Variants in IL6R observed in about 807,000 individuals in gnomAD.
The protein encoded by IL6R is interleukin 6 receptor.
Under a neutral mutation model 48.3 loss-of-function variants are expected in IL6R, and 38 were observed. The ratio of observed to expected loss-of-function variants is 0.79; its 90% CI spans 0.61 to 1.03. IL6R has a LOEUF of 1.03. Ranked by LOEUF, IL6R falls within the 50% of genes least tolerant of loss-of-function variation. The pLI is 0.00. For synonymous variants in IL6R, 264 were observed against 256.2 expected, an observed-to-expected ratio of 1.03 and a Z score of -0.29; for missense variants, 534 against 618.3, an observed-to-expected ratio of 0.86 and a Z score of 1.45.
At chr1:154,452,082 A>T (rs1211068651) in intron 8 of IL6R, among the ~76,000 whole-genome samples, 1 of 152,152 alleles carries the variant, frequency 6.6e-6, no homozygotes, top group Non-Finnish European at 1.5e-5. Flanking sequence ...GCCAACACCC[A>T]GTCCAGCCCC....
chr1:154,455,785 T>G (rs1284292791), intron 9 of IL6R, among the ~76,000 whole-genome samples: 1 of 147,150 alleles, frequency 6.8e-6, no homozygotes, highest in African/African-American at 2.5e-5. Context: ...GGCCAGGCGC[T>G]GTGGCTCACG....
intron 6 of IL6R, among the ~76,000 whole-genome samples, chr1:154,442,215 C>T (rs61812596): frequency 0.13 from 19,552 of 151,970 alleles, 1,441 homozygotes; most frequent in South Asian, 0.18. Flanking sequence ...ATGTCTAATA[C>T]GTAATAGATG....
Position 154,465,455 on chromosome 1 carries a change from A to C in IL6R, c.*75A>C. 6.5e-6 allele frequency: 10 copies of C among 1,539,610 alleles called. No individual in the cohort carries two copies. The highest frequency in any genetic ancestry group is 1.1e-5 in the South Asian group (1 of 88,130). ...ACGGGCTCAGCAAAAGATGCTTCTCACTGCCATGCCAGCTTATCTCAGGGG... is the reference window on the plus strand; with the variant it reads ...ACGGGCTCAGCAAAAGATGCTTCTCCCTGCCATGCCAGCTTATCTCAGGGG... On this transcript the variant is annotated 3_prime_UTR_variant, in exon 10 of 10. Transcript: ENST00000368485.
rs201893129 is a variant in IL6R, at chr1:154,447,438, C to CAAAAAA, written c.950-675_950-670dup. Among the ~76,000 whole-genome samples the CAAAAAA allele has an allele frequency of 2.8e-3, 106 of 38,338 alleles. 4 individuals carry two copies. The highest frequency in any genetic ancestry group is 4.4e-3 in the Non-Finnish European group (79 of 17,996). 25.2% of individuals were successfully genotyped at this position (38,338 alleles called of 152,430 possible). ...TGGGCAAAAGAGTGAAACTCCATCT[C>CAAAAAA]AAAAAAAAAAAAAAAAATATATATA... On this transcript the variant is annotated intron_variant, in intron 6 of 9. Transcript: ENST00000368485.
At chr1:154,430,830 T>G (rs1689257239) in intron 3 of IL6R, among the ~76,000 whole-genome samples, 1 of 152,202 alleles carries the variant, frequency 6.6e-6, no homozygotes, top group Non-Finnish European at 1.5e-5. Flanking sequence ...TGACCTTGGT[T>G]ATCACAACAG....
At chr1:154,406,627 G>C (rs1687733758) in intron 1 of IL6R, 1 of 152,252 alleles carries the variant, frequency 6.6e-6, no homozygotes, top group African/African-American at 2.4e-5. Flanking sequence ...CAGGCTTCTG[G>C]AACAGCTGAC....
intron 9 of IL6R, among the ~76,000 whole-genome samples, chr1:154,460,531 C>T (rs545799411): frequency 2.6e-5 from 4 of 152,160 alleles, no homozygotes; most frequent in East Asian, 1.9e-4. Context: ...GTGATTATTA[C>T]TGGTGATTTG....
At chr1:154,414,173 A>G (rs1688199636) in intron 1 of IL6R, among the ~76,000 whole-genome samples, 1 of 151,884 alleles carries the variant, frequency 6.6e-6, no homozygotes, top group Non-Finnish European at 1.5e-5. Context: ...TTTTTTTTCC[A>G]ACTAGTTGAA....
In IL6R at chr1:154,452,824, AT is replaced by A. The variant is rs568866796; in HGVS notation, c.1067-1662del. 3.9e-3 allele frequency among the ~76,000 whole-genome samples: 590 copies of A among 151,244 alleles called. 9 individuals are homozygous for A. Among genetic ancestry groups the A allele is most frequent in the East Asian group, 7.3e-3 (37 of 5,048 alleles). ...AGACTCCGTCTCAAAAAAAAAAAAA[AT>A]TCATTTGTCTGTCTCCCTTGATTGG... is the stretch of plus-strand genomic sequence containing the variant. On this transcript the variant is annotated intron_variant, in intron 8 of 9. Transcript: ENST00000368485.
intron 6 of IL6R, among the ~76,000 whole-genome samples, chr1:154,447,476 T>TACACACACACACAC (rs1230551409): frequency 5.8e-5 from 4 of 68,824 alleles, no homozygotes; most frequent in African/African-American, 2.2e-4. Context: ...TATATATATA[T>TACACACACACACAC]ACACACACAC....
chr1:154,425,544 G>A (rs750374335), intron 1 of IL6R, among the ~76,000 whole-genome samples: 1 of 152,132 alleles, frequency 6.6e-6, no homozygotes, highest in East Asian at 1.9e-4. Context: ...GGAGGCCCAG[G>A]TAGGAGGATT....
rs752994852 is a variant in IL6R, at chr1:154,465,312, C to T, written c.1339C>T (p.Arg447Ter). Reference protein sequence around the residue: ...LGSDNTSSHNRPDARDPRSPY... With the variant: ...LGSDNTSSHN Reference sequence around the variant, plus strand: ...GTCTGACAATACCTCGAGCCACAACCGACCAGATGCCAGGGACCCACGGAG... The same window carrying T: ...GTCTGACAATACCTCGAGCCACAACTGACCAGATGCCAGGGACCCACGGAG... The change falls in exon 10 of 10, where the codon CGA becomes TGA. Residue 447 changes from arginine (R) to a stop codon, truncating the protein, a stop_gained. Coordinates refer to ENST00000368485, the MANE Select transcript of IL6R (RefSeq NM_000565.4). LOFTEE classifies it high-confidence loss of function. The T allele has an allele frequency of 9.3e-6, 15 of 1,614,184 alleles. No homozygotes were observed. The highest frequency in any genetic ancestry group is 3.3e-5 in the South Asian group (3 of 91,082).
intron 1 of IL6R, among the ~76,000 whole-genome samples, chr1:154,427,170 G>A (rs1232406929): frequency 1.3e-5 from 2 of 151,986 alleles, no homozygotes; most frequent in African/African-American, 4.8e-5. Flanking sequence ...GTCTCGCCTC[G>A]GCCTCCCAAA....
chr1:154,435,156 G>A lies in IL6R; in HGVS notation c.807G>A (p.Met269Ile). The change falls in exon 5 of 10, where the codon ATG (methionine) becomes ATA (isoleucine). Residue 269 changes from methionine to isoleucine, a missense_variant and splice_region_variant. By Grantham distance (10) the Met-to-Ile change is conservative. Transcript: ENST00000368485. ...GGTCAAAGACATTCACAACATGGAT[G>A]GTAAATTTATGTTTTACTTCTGGTC... is the stretch of plus-strand genomic sequence containing the variant. ...AERSKTFTTWMVKDLQHHCVI... is the reference protein window; with the variant it reads ...AERSKTFTTWIVKDLQHHCVI... The A allele has an allele frequency of 6.2e-7, 1 of 1,613,516 alleles. No homozygotes were observed. Among genetic ancestry groups the A allele is most frequent in the Non-Finnish European group, 8.5e-7 (1 of 1,179,542 alleles).
intron 8 of IL6R, among the ~76,000 whole-genome samples, chr1:154,453,783 A>T (rs989677793): frequency 7.9e-5 from 12 of 152,160 alleles, no homozygotes; most frequent in Non-Finnish European, 1.6e-4. Context: ...AGTGGGGTCA[A>T]TTCTCAAAGG....
At chr1:154,457,998 G>A (rs1291797755) in intron 9 of IL6R, among the ~76,000 whole-genome samples, 16 of 133,246 alleles carry the variant, frequency 1.2e-4, no homozygotes, top group African/African-American at 4.0e-4. Flanking sequence ...ACGGAGTCTC[G>A]CTTTGTCGCC....
At position 154,433,290 on chromosome 1, in the gene IL6R, C is replaced by T. The variant is rs778231223; in HGVS notation, c.459-1229C>T. ...CCCCAGCTGGAGGGTGAGTGGTTGA[C>T]GTGGCCTCACATGCCCACATGTGTC... On this transcript the variant is annotated intron_variant, in intron 3 of 9. Coordinates refer to ENST00000368485, the MANE Select transcript of IL6R (RefSeq NM_000565.4). Among the ~76,000 whole-genome samples, 10 of 152,194 alleles carry T rather than the reference C, an allele frequency of 6.6e-5. 1 individual carries two copies. The highest frequency in any genetic ancestry group is 2.1e-4 in the South Asian group (1 of 4,832).
chr1:154,420,098 G>A lies in IL6R; in HGVS notation c.86-9098G>A, dbSNP rs1450155428. 2.6e-5 allele frequency among the ~76,000 whole-genome samples: 4 copies of A among 152,142 alleles called. No individual in the cohort carries two copies. In the East Asian group the frequency reaches 5.8e-4, roughly 22 times the overall value. ...GAATGGGAGGCAAGGGAGGTTGTGG[G>A]AATTTTCCCTCCCCTAGAGCTCTCC... On this transcript the variant is annotated intron_variant, in intron 1 of 9. Coordinates refer to ENST00000368485, the MANE Select transcript of IL6R (RefSeq NM_000565.4).
rs148018129 is a variant in IL6R, at chr1:154,465,485, C to T, written c.*105C>T. The T allele has an allele frequency of 1.9e-4, 247 of 1,328,092 alleles. No individual in the cohort carries two copies. The highest frequency in any genetic ancestry group is 2.2e-4 in the Non-Finnish European group (210 of 941,812). 82.3% of individuals were successfully genotyped at this position (1,328,092 alleles called of 1,614,324 possible). On this transcript the variant is annotated 3_prime_UTR_variant, in exon 10 of 10. Transcript: ENST00000368485. ...CATGCCAGCTTATCTCAGGGGTGTGCGGCCTTTGGCTTCACGGAAGAGCCT... is the reference window on the plus strand; with the variant it reads ...CATGCCAGCTTATCTCAGGGGTGTGTGGCCTTTGGCTTCACGGAAGAGCCT...
Sources: allele counts gnomAD v4.1 joint callset (sites outside exome capture counted in the v4.1 genomes callset), GRCh38; gene constraint gnomAD v4.1.1; transcripts MANE v1.5; gene names NCBI Gene and HGNC (gene_info 2026-07-23, HGNC 2026-07-21).